Variants in TUBB4B observed in about 807,000 individuals in gnomAD.
TUBB4B encodes tubulin beta-4B chain.
Under a neutral mutation model 34.3 loss-of-function variants are expected in TUBB4B, and 7 were observed. The observed-to-expected ratio is 0.20, with a 90% CI of 0.12 to 0.38. The LOEUF is 0.38. Among genes scored for constraint, TUBB4B ranks in the 10% least tolerant of loss-of-function variants. The pLI is 1.00. For synonymous variants in TUBB4B, 390 were observed against 250.2 expected, an observed-to-expected ratio of 1.56 and a Z score of -5.27; for missense variants, 178 against 610.9, an observed-to-expected ratio of 0.29 and a Z score of 7.47.
rs763779984 is a variant in TUBB4B, at chr9:137,242,478, A to C, written c.278-18A>C. The C allele has an allele frequency of 6.8e-6, 11 of 1,606,754 alleles. No homozygotes were observed. The highest frequency in any genetic ancestry group is 5.0e-5 in the Admixed American group (3 of 59,836). On this transcript the variant is annotated intron_variant, in intron 3 of 3. Transcript: ENST00000340384. ...CTGTCTACCTGGCTGACAAATGATT[A>C]GCTGTGTTCTCTCACAGGTCAGAGT...
At chr9:137,242,437 G>T in intron 3 of TUBB4B, 59 bp from the exon 4 acceptor site, 1 of 1,570,158 alleles carries the variant, frequency 6.4e-7, no homozygotes, top group Non-Finnish European at 8.7e-7. Flanking sequence ...TTTTCGCATG[G>T]CGGTGACCAG....
rs558820779 is a variant in TUBB4B at position 137,242,734 on chromosome 9, G to C, written c.516G>C (p.Ser172=). 7 of 1,613,656 alleles carry C rather than the reference G, an allele frequency of 4.3e-6. No homozygotes were observed. Among genetic ancestry groups the C allele is most frequent in the Admixed American group, 1.7e-5 (1 of 60,004 alleles). ...RIMNTFSVVP[S]PKVSDTVVEP... ...TGAACACGTTTAGTGTGGTGCCTTC[G>C]CCCAAAGTGTCAGACACAGTGGTGG... The change falls in exon 4 of 4, where the codon TCG becomes TCC. Residue 172 remains serine (S), a synonymous_variant. Transcript: ENST00000340384.
chr9:137,243,475 G>T lies in TUBB4B; in HGVS notation c.1257G>T (p.Val419=). 6.2e-7 allele frequency: 1 copy of T among 1,613,810 alleles called. No homozygotes were observed. The change falls in exon 4 of 4, where the codon GTG becomes GTT. Residue 419 remains valine (V), a synonymous_variant. Transcript: ENST00000340384. ...CCGAGAGCAACATGAATGACCTGGTGTCCGAGTACCAGCAGTACCAGGATG... is the reference window on the plus strand; with the variant it reads ...CCGAGAGCAACATGAATGACCTGGTTTCCGAGTACCAGCAGTACCAGGATG... ...TEAESNMNDL[V]SEYQQYQDAT... is the part of the protein sequence containing the mutation.
At position 137,243,559 on chromosome 9, in the gene TUBB4B, C is replaced by A. The variant is rs144486984; in HGVS notation, c.*3C>A. The stretch of plus-strand genomic sequence containing the variant: ...AGGCTGAGGAGGAGGTGGCCTAGAG[C>A]CTTCAGTCACTGGGGAAAGCAGGGA... On this transcript the variant is annotated 3_prime_UTR_variant, in exon 4 of 4. Transcript: ENST00000340384. 6.2e-7 allele frequency: 1 copy of A among 1,613,734 alleles called. No individual in the cohort carries two copies. Among genetic ancestry groups the A allele is most frequent in the South Asian group, 1.1e-5 (1 of 91,088 alleles).
Position 137,242,584 on chromosome 9 carries a change from G to A in TUBB4B, c.366G>A (p.Lys122=), listed in dbSNP as rs1245729228. 3 of 1,613,964 alleles carry A rather than the reference G, an allele frequency of 1.9e-6. No homozygotes were observed. Among genetic ancestry groups the A allele is most frequent in the Non-Finnish European group, 2.5e-6 (3 of 1,180,024 alleles). ...ACTCGGTGCTGGATGTTGTGAGAAA[G>A]GAGGCTGAGAGCTGTGACTGCCTGC... The part of the protein sequence containing the change: ...LVDSVLDVVR[K]EAESCDCLQG... Residue 122 remains lysine, a synonymous_variant, in exon 4 of 4, where the codon AAG becomes AAA. Coordinates refer to ENST00000340384, the MANE Select transcript of TUBB4B (RefSeq NM_006088.6).
At chr9:137,242,061 A>G in intron 3 of TUBB4B, 40 bp downstream of exon 3, 1 of 1,592,196 alleles carries the variant, frequency 6.3e-7, no homozygotes, top group South Asian at 1.1e-5. Context: ...CTCAAAGGTC[A>G]AGGGGCTGCT....
At chr9:137,242,312 T>C in intron 3 of TUBB4B, 184 bp from the exon 4 acceptor site, 1 of 760,788 alleles carries the variant, frequency 1.3e-6, no homozygotes, top group Non-Finnish European at 2.1e-6. Flanking sequence ...CTGTCAGGTT[T>C]GGCCCCTGAC....
Position 137,241,886 on chromosome 9 carries a change from G to A in TUBB4B, c.167-25G>A, listed in dbSNP as rs773446444. 3 of 1,611,200 alleles carry A rather than the reference G, an allele frequency of 1.9e-6. No homozygotes were observed. In the Admixed American group the frequency reaches 5.0e-5, roughly 27 times the overall value. On this transcript the variant is annotated intron_variant, in intron 2 of 3. Coordinates refer to ENST00000340384, the MANE Select transcript of TUBB4B (RefSeq NM_006088.6). The stretch of plus-strand genomic sequence containing the variant: ...CCGGGGACCCCGCGGCCCCTGCCTT[G>A]GCTGACGCCCTCCCGTCCCCGCAGG...
chr9:137,242,043 G>C (rs549338522), intron 3 of TUBB4B, 22 bp downstream of exon 3: 1 of 1,607,184 alleles, frequency 6.2e-7, no homozygotes, highest in South Asian at 1.1e-5. Context: ...CTGGGGACTG[G>C]GCGGCGGCTC....
intron 3 of TUBB4B, 51 bp from the exon 4 acceptor site, chr9:137,242,445 C>G (rs370537440): frequency 6.3e-7 from 1 of 1,584,566 alleles, no homozygotes; most frequent in Non-Finnish European, 8.6e-7. Context: ...TGGCGGTGAC[C>G]AGTAGTGCTG....
At position 137,243,451 on chromosome 9, in the gene TUBB4B, C is replaced by T. The variant is rs141667615; in HGVS notation, c.1233C>T (p.Ala411=). ...TGGACGAGATGGAGTTCACCGAGGCCGAGAGCAACATGAATGACCTGGTGT... is the reference window on the plus strand; with the variant it reads ...TGGACGAGATGGAGTTCACCGAGGCTGAGAGCAACATGAATGACCTGGTGT... ...EGMDEMEFTE[A]ESNMNDLVSE... Residue 411 remains alanine (A), a synonymous_variant, in exon 4 of 4, where the codon GCC becomes GCT. Coordinates refer to ENST00000340384, the MANE Select transcript of TUBB4B (RefSeq NM_006088.6). 1.1e-4 allele frequency: 172 copies of T among 1,613,702 alleles called. No homozygotes were observed. The highest frequency in any genetic ancestry group is 2.5e-4 in the African/African-American group (19 of 75,034).
At chr9:137,241,484 TGGC>T (rs1252085930) in intron 1 of TUBB4B, 67 bp downstream of exon 1, 3 of 1,278,764 alleles carry the variant, frequency 2.3e-6, no homozygotes, top group Non-Finnish European at 2.0e-6. Flanking sequence ...CCGGGGAAGA[TGGC>T]GGCAGCAGCG....
rs769498828 is a variant in TUBB4B, at chr9:137,242,674, C to G, written c.456C>G (p.Ile152Met). Residue 152 changes from isoleucine (I) to methionine (M), a missense_variant, in exon 4 of 4, where the codon ATC becomes ATG. By Grantham distance (10) the Ile-to-Met change is conservative. Transcript: ENST00000340384. ...GGTCTGGGATGGGTACCCTCCTCAT[C>G]AGCAAGATCCGGGAGGAGTACCCAG... ...GTGSGMGTLL[I>M]SKIREEYPDR... The G allele has an allele frequency of 6.2e-7, 1 of 1,613,606 alleles. No homozygotes were observed. The highest frequency in any genetic ancestry group is 1.3e-5 in the African/African-American group (1 of 74,932).
rs1564427265 is a variant in TUBB4B at position 137,243,487 on chromosome 9, G to A, written c.1269G>A (p.Gln423=). 6.2e-7 allele frequency: 1 copy of A among 1,613,816 alleles called. No individual in the cohort carries two copies. Among genetic ancestry groups the A allele is most frequent in the Non-Finnish European group, 8.5e-7 (1 of 1,180,038 alleles). ...SNMNDLVSEY[Q]QYQDATAEEE... ...TGAATGACCTGGTGTCCGAGTACCA[G>A]CAGTACCAGGATGCCACAGCCGAGG... Residue 423 remains glutamine (Q), a synonymous_variant, in exon 4 of 4, where the codon CAG becomes CAA. Transcript: ENST00000340384.
In TUBB4B at chr9:137,241,341, C is replaced by T. The variant is rs1261236441; in HGVS notation, c.-20C>T. ...TGTTTGTCTACTTCCTCCTGCTTCC[C>T]CGCCGCCGCCGCCGCCATCATGAGG... On this transcript the variant is annotated 5_prime_UTR_variant, in exon 1 of 4. Transcript: ENST00000340384. 4.7e-6 allele frequency: 7 copies of T among 1,494,382 alleles called. No homozygotes were observed. Among genetic ancestry groups the T allele is most frequent in the Middle Eastern group, 3.5e-4 (2 of 5,750 alleles). 92.6% of individuals were successfully genotyped at this position (1,494,382 alleles called of 1,614,324 possible).
At position 137,241,305 on chromosome 9, in the gene TUBB4B, T is replaced by A. The variant is rs555901468; in HGVS notation, c.-56T>A. On this transcript the variant is annotated 5_prime_UTR_variant, in exon 1 of 4. Coordinates refer to ENST00000340384, the MANE Select transcript of TUBB4B (RefSeq NM_006088.6). The stretch of plus-strand genomic sequence containing the variant: ...CGGTTGTAGCACTCTGCGCGCCCGC[T>A]CTTCTGCTGCTGTTTGTCTACTTCC... 9.6e-6 allele frequency: 15 copies of A among 1,567,678 alleles called. No homozygotes were observed. Among genetic ancestry groups the A allele is most frequent in the South Asian group, 3.4e-5 (3 of 88,526 alleles).
rs537548075 is a variant in TUBB4B, at chr9:137,242,122, C to T, written c.277+101C>T. On this transcript the variant is annotated intron_variant, in intron 3 of 3. Coordinates refer to ENST00000340384, the MANE Select transcript of TUBB4B (RefSeq NM_006088.6). ...GCAGCCGGGGCCCCTGGACGCCCTC[C>T]TCTTCTCTGAGCCACTCAATCCCCT... The T allele has an allele frequency of 3.0e-5, 36 of 1,187,882 alleles. 1 individual carries two copies. The highest frequency in any genetic ancestry group is 2.0e-4 in the South Asian group (14 of 68,842). The allele number at this position is 1,187,882 out of a possible 1,614,324, so 73.6% of individuals were successfully genotyped here. A position where few individuals can be genotyped will look rare whatever the true frequency, so the allele number is the denominator to read the frequency against.
intron 1 of TUBB4B, 103 bp from the exon 2 acceptor site, chr9:137,241,618 G>A: frequency 1.4e-6 from 1 of 702,872 alleles, no homozygotes; most frequent in Non-Finnish European, 1.8e-6. Flanking sequence ...GAGGGGCGGG[G>A]AGGGCCGGGC....
chr9:137,242,050 G>T, intron 3 of TUBB4B, 29 bp downstream of exon 3: 2 of 1,602,658 alleles, frequency 1.2e-6, no homozygotes, highest in South Asian at 1.1e-5. Context: ...CTGGGCGGCG[G>T]CTCAAAGGTC....
Sources: allele counts gnomAD v4.1 joint callset, GRCh38; gene constraint gnomAD v4.1.1; transcripts MANE v1.5; gene names NCBI Gene and HGNC (gene_info 2026-07-23, HGNC 2026-07-21).